GFRA4: variants seen among roughly 807,000 people sequenced by gnomAD.
GFRA4 encodes the protein GDNF family receptor alpha 4, also known as GDNF family receptor alpha-4.
Under a neutral mutation model 28.5 loss-of-function variants are expected in GFRA4, and 31 were observed. The ratio of observed to expected loss-of-function variants is 1.09; its 90% CI spans 0.82 to 1.47. The LOEUF is 1.47. Ranked by LOEUF, GFRA4 falls within the 40% of genes most tolerant of loss-of-function variation. The probability of loss-of-function intolerance (pLI) is 0.00; values close to 1 mark genes in which losing one functional copy is unlikely to be tolerated. For synonymous variants in GFRA4, 188 were observed against 188.0 expected (o/e 1.00, Z 0.00); for missense variants, 389 against 413.2 (o/e 0.94, Z 0.51).
Position 3,659,698 on chromosome 20 carries a change from C to CG in GFRA4, c.*210dup, listed in dbSNP as rs2087195077. The CG allele has an allele frequency of 1.8e-6, 1 of 564,118 alleles. No individual in the cohort carries two copies. Among genetic ancestry groups the CG allele is most frequent in the Non-Finnish European group, 3.1e-6 (1 of 325,362 alleles). 34.9% of individuals were successfully genotyped at this position (564,118 alleles called of 1,614,324 possible). A position where few individuals can be genotyped will look rare whatever the true frequency, so the allele number is the denominator to read the frequency against. On this transcript the variant is annotated 3_prime_UTR_variant, in exon 6 of 6. Transcript: ENST00000290417. ...ACCAAGATGCCTCCTGACAGGGAGA[C>CG]GGGGGCTTTACAGTCAGGCCCCAGC...
Position 3,660,834 on chromosome 20 carries a change from G to A in GFRA4, c.423C>T (p.Cys141=). ...CGTCGGGGGCGCTGGGCGCTGGGGT[G>A]CACGAGACCTGAAAGGCCAGGAGGC... ...RPRLLAFQVS[C]TPAPSAPDGC... The change falls in exon 3 of 6, where the codon TGC becomes TGT. Residue 141 remains cysteine, a synonymous_variant. Transcript: ENST00000290417. The A allele has an allele frequency of 8.4e-6, 12 of 1,425,598 alleles. No individual in the cohort carries two copies. The highest frequency in any genetic ancestry group is 1.0e-5 in the Non-Finnish European group (11 of 1,102,280). 88.3% of individuals were successfully genotyped at this position (1,425,598 alleles called of 1,614,324 possible). A position where few individuals can be genotyped will look rare whatever the true frequency, so the allele number is the denominator to read the frequency against.
intron 3 of GFRA4, 33 bp downstream of exon 3, chr20:3,660,722 C>T: frequency 2.7e-6 from 4 of 1,459,498 alleles, no homozygotes; most frequent in Non-Finnish European, 3.6e-6. Flanking sequence ...CCTGGAGAAC[C>T]CCCGCCCTCG....
chr20:3,662,456 T>C (rs2087233362), intron 1 of GFRA4, among the ~76,000 whole-genome samples: 1 of 146,444 alleles, frequency 6.8e-6, no homozygotes. Context: ...CCCTGTGTGT[T>C]TGTGCACAGG....
intron 5 of GFRA4, 44 bp downstream of exon 5, chr20:3,660,114 A>G (rs1453567540): frequency 1.3e-6 from 2 of 1,533,736 alleles, no homozygotes; most frequent in South Asian, 2.4e-5. Context: ...TGTGAAGGTG[A>G]CAGTGGGGGA....
chr20:3,660,309 C>T (rs2087203781), intron 4 of GFRA4, 60 bp from the exon 5 acceptor site: 3 of 1,395,190 alleles, frequency 2.2e-6, no homozygotes, highest in Admixed American at 2.2e-5. Flanking sequence ...GGGCTCAGCA[C>T]AGGGGACAAA....
In GFRA4 at chr20:3,660,259, G is replaced by A; in HGVS notation, c.638-10C>T. 1 of 1,597,954 alleles carries A rather than the reference G, an allele frequency of 6.3e-7. No individual in the cohort carries two copies. The highest frequency in any genetic ancestry group is 1.1e-5 in the South Asian group (1 of 88,334). On this transcript the variant is annotated splice_polypyrimidine_tract_variant and intron_variant, in intron 4 of 5. Transcript: ENST00000290417. ...GCCTGAATGGCACCATCTATGGAGGGAGGGGTCCAGGGTGGACTTAGCTGG... is the reference window on the plus strand; with the variant it reads ...GCCTGAATGGCACCATCTATGGAGGAAGGGGTCCAGGGTGGACTTAGCTGG...
Position 3,660,612 on chromosome 20 carries a change from GC to G in GFRA4, c.550del (p.Ala184ArgfsTer48). 6.4e-7 allele frequency: 1 copy of G among 1,550,946 alleles called. No homozygotes were observed. The highest frequency in any genetic ancestry group is 8.7e-7 in the Non-Finnish European group (1 of 1,147,376). On this transcript the variant is annotated frameshift_variant, in exon 4 of 6. Transcript: ENST00000290417. LOFTEE classifies it high-confidence loss of function. ...NYVDNVSARV[A>X]PWCDCGASGN... is the part of the protein sequence containing the mutation. ...GCTGGCTCCGCAGTCGCACCAGGGC[GC>G]CACGCGCGCGCTCACGTTGTCCACG...
chr20:3,661,164 C>G lies in GFRA4; in HGVS notation c.172G>C (p.Gly58Arg). ...CGGCGGCAGCGGGCGCGGGGACAGC[C>G]CCCCTGCGCAGCCCGGCCCAGGCAC... ...AQCLGRAAQG[G>R]CPRARCRRAL... The change falls in exon 2 of 6, where the codon GGC (glycine) becomes CGC (arginine). Residue 58 changes from glycine to arginine, a missense_variant. Gly to Arg is a moderately radical substitution (Grantham distance 125). Coordinates refer to ENST00000290417, the MANE Select transcript of GFRA4 (RefSeq NM_022139.4). The G allele has an allele frequency of 7.2e-7, 1 of 1,380,146 alleles. No individual in the cohort carries two copies. The highest frequency in any genetic ancestry group is 9.3e-7 in the Non-Finnish European group (1 of 1,072,914). 85.5% of individuals were successfully genotyped at this position (1,380,146 alleles called of 1,614,324 possible).
Position 3,659,633 on chromosome 20 carries a change from AC to A in GFRA4, c.*275del. 1 of 507,102 alleles carries A rather than the reference AC, an allele frequency of 2.0e-6. No homozygotes were observed. 31.4% of individuals were successfully genotyped at this position (507,102 alleles called of 1,614,324 possible). ...CTCTCCTGACCCCACCTTGTGGGAG[AC>A]CCCAGTGGTCTCAAGGTCTGTGAAT... On this transcript the variant is annotated 3_prime_UTR_variant, in exon 6 of 6. Transcript: ENST00000290417.
In GFRA4 at chr20:3,659,408, G is replaced by A; in HGVS notation, c.*501C>T. ...GGAAAGACTCTGCCAGCATGGTCAT[G>A]GCGCACAGGTGGCTACAATGGTGGG... On this transcript the variant is annotated 3_prime_UTR_variant, in exon 6 of 6. Transcript: ENST00000290417. The A allele has an allele frequency of 6.2e-6, 1 of 162,496 alleles. No individual in the cohort carries two copies. The highest frequency in any genetic ancestry group is 1.4e-5 in the Non-Finnish European group (1 of 74,054). The allele number at this position is 162,496 out of a possible 1,614,324, so 10.1% of individuals were successfully genotyped here.
At chr20:3,662,647 G>A (rs1232670996) in intron 1 of GFRA4, among the ~76,000 whole-genome samples, 2 of 152,204 alleles carry the variant, frequency 1.3e-5, no homozygotes, top group African/African-American at 4.8e-5. Flanking sequence ...CTGAGTGGAG[G>A]GGATAGATGG....
In GFRA4 at chr20:3,659,874, G is replaced by A. The variant is rs1752272909; in HGVS notation, c.*35C>T. ...AGGCGGCCCAGGCAGGCAGGGTGGAGTAGCTGGCTGTGCTATCCGAGGTCG... is the reference window on the plus strand; with the variant it reads ...AGGCGGCCCAGGCAGGCAGGGTGGAATAGCTGGCTGTGCTATCCGAGGTCG... On this transcript the variant is annotated 3_prime_UTR_variant, in exon 6 of 6. Transcript: ENST00000290417. 7 of 1,557,998 alleles carry A rather than the reference G, an allele frequency of 4.5e-6. No individual in the cohort carries two copies. The highest frequency in any genetic ancestry group is 2.7e-5 in the African/African-American group (2 of 74,042).
Position 3,660,847 on chromosome 20 carries a change from AAGGCCAGG to A in GFRA4, c.402_409del (p.Leu135SerfsTer37). 2 of 1,427,438 alleles carry A rather than the reference AAGGCCAGG, an allele frequency of 1.4e-6. No homozygotes were observed. Among genetic ancestry groups the A allele is most frequent in the Non-Finnish European group, 1.8e-6 (2 of 1,102,072 alleles). 88.4% of individuals were successfully genotyped at this position (1,427,438 alleles called of 1,614,324 possible). ...GGGCGCTGGGGTGCACGAGACCTGA[AAGGCCAGG>A]AGGCGAGGCCTGCGCGGCGGGAGGG... On this transcript the variant is annotated frameshift_variant, in exon 3 of 6. Transcript: ENST00000290417. LOFTEE classifies it high-confidence loss of function.
chr20:3,659,852 C>T lies in GFRA4; in HGVS notation c.*57G>A, dbSNP rs679393. 0.095 allele frequency: 142,549 copies of T among 1,494,012 alleles called. 7,296 individuals carry two copies. Among genetic ancestry groups the T allele is most frequent in the South Asian group, 0.13 (10,427 of 82,898 alleles). 92.5% of individuals were successfully genotyped at this position (1,494,012 alleles called of 1,614,324 possible). On this transcript the variant is annotated 3_prime_UTR_variant, in exon 6 of 6. Transcript: ENST00000290417. ...TCAAGGGGCCAGTAGGCCACAGAGG[C>T]GGCCCAGGCAGGCAGGGTGGAGTAG...
chr20:3,660,265 T>C lies in GFRA4; in HGVS notation c.638-16A>G. ...ATGGCACCATCTATGGAGGGAGGGG[T>C]CCAGGGTGGACTTAGCTGGGAAACC... On this transcript the variant is annotated splice_polypyrimidine_tract_variant and intron_variant, in intron 4 of 5. Coordinates refer to ENST00000290417, the MANE Select transcript of GFRA4 (RefSeq NM_022139.4). The C allele has an allele frequency of 6.3e-7, 1 of 1,590,512 alleles. No individual in the cohort carries two copies. The highest frequency in any genetic ancestry group is 8.6e-7 in the Non-Finnish European group (1 of 1,167,798).
chr20:3,660,321 T>C, intron 4 of GFRA4, 72 bp from the exon 5 acceptor site: 3 of 1,283,570 alleles, frequency 2.3e-6, no homozygotes, highest in Non-Finnish European at 3.2e-6. Context: ...GGGGACAAAG[T>C]GAGAGACCCC....
chr20:3,662,207 GT>G (rs2087231458), intron 1 of GFRA4, among the ~76,000 whole-genome samples: 1 of 152,224 alleles, frequency 6.6e-6, no homozygotes, highest in African/African-American at 2.4e-5. Context: ...CACACCAGGG[GT>G]TGGGTAGACA....
Position 3,661,137 on chromosome 20 carries a change from C to T in GFRA4, c.199G>A (p.Ala67Thr). 1 of 1,330,092 alleles carries T rather than the reference C, an allele frequency of 7.5e-7. No individual in the cohort carries two copies. 82.4% of individuals were successfully genotyped at this position (1,330,092 alleles called of 1,614,324 possible). A position where few individuals can be genotyped will look rare whatever the true frequency, so the allele number is the denominator to read the frequency against. Residue 67 changes from alanine to threonine, a missense_variant, in exon 2 of 6, where the codon GCC becomes ACC. By Grantham distance (58) the Ala-to-Thr change is moderately conservative. Transcript: ENST00000290417. ...CCGCGGGCGAAGAAGCGGCGCAGGG[C>T]CCGGCGGCAGCGGGCGCGGGGACAG... Reference protein sequence around the residue: ...GGCPRARCRRALRRFFARGPP... With the variant: ...GGCPRARCRRTLRRFFARGPP...
At position 3,663,336 on chromosome 20, in the gene GFRA4, G is replaced by A. The variant is rs1254185643; in HGVS notation, c.46+18C>T. The stretch of plus-strand genomic sequence containing the variant: ...AGAGGCCAGGGTTCGGGGTCCAGGG[G>A]AAGAGAGGGGCGCTCACCCAGTAAC... On this transcript the variant is annotated intron_variant, in intron 1 of 5. Coordinates refer to ENST00000290417, the MANE Select transcript of GFRA4 (RefSeq NM_022139.4). The A allele has an allele frequency of 3.1e-6, 5 of 1,608,072 alleles. No individual in the cohort carries two copies. In the Admixed American group the frequency reaches 5.1e-5, roughly 16 times the overall value.
Sources: allele counts gnomAD v4.1 joint callset (sites outside exome capture counted in the v4.1 genomes callset), GRCh38; gene constraint gnomAD v4.1.1; transcripts MANE v1.5; gene names NCBI Gene and HGNC (gene_info 2026-07-23, HGNC 2026-07-21).